The following COL11A1 variants were observed in gnomAD, a reference collection of about 807,000 sequenced individuals.
COL11A1 encodes collagen type XI alpha 1 chain.
Under a neutral mutation model 265.2 loss-of-function variants are expected in COL11A1, and 74 were observed. The ratio of observed to expected loss-of-function variants is 0.28; its 90% CI spans 0.23 to 0.34. COL11A1 has a LOEUF of 0.34. Ranked by LOEUF, COL11A1 falls within the 10% of genes least tolerant of loss-of-function variation. The pLI is 1.00. For synonymous variants in COL11A1, 816 were observed against 727.6 expected (o/e 1.12, Z -1.96); for missense variants, 2,165 against 2,263.6 (o/e 0.96, Z 0.88).
rs528918924 is a variant in COL11A1, at chr1:103,106,478, C to T, written c.106+1595G>A. 5.8e-4 allele frequency among the ~76,000 whole-genome samples: 88 copies of T among 152,200 alleles called. 2 individuals are homozygous for T. The highest frequency in any genetic ancestry group is 1.0e-3 in the Non-Finnish European group (71 of 68,020). The stretch of plus-strand genomic sequence containing the variant: ...CAGAGGCCTCATGTCCCACGGTAGA[C>T]GCAGGAATTCTAAATAATAAACAAA... On this transcript the variant is annotated intron_variant, in intron 1 of 66. Transcript: ENST00000370096.
chr1:102,881,833 A>G (rs1650281074), intron 64 of COL11A1, 68 bp from the exon 65 acceptor site: 1 of 1,115,512 alleles, frequency 9.0e-7, no homozygotes, highest in East Asian at 2.6e-5. Context: ...ATTTTTATAT[A>G]CATATAATTC....
chr1:102,879,692 A>T lies in COL11A1; in HGVS notation c.5265T>A (p.Asp1755Glu). The T allele has an allele frequency of 6.2e-7, 1 of 1,613,486 alleles. No individual in the cohort carries two copies. The highest frequency in any genetic ancestry group is 8.5e-7 in the Non-Finnish European group (1 of 1,179,594). The stretch of plus-strand genomic sequence containing the variant: ...CAGAACTTATACTCACCGCACAACC[A>T]TCATACAGTGTTTTGATAAAAGGAT... ...DNNPFIKTLY[D>E]GCASRKGYEK... Residue 1755 changes from aspartate (D) to glutamate (E), a missense_variant, in exon 66 of 67, where the codon GAT becomes GAA. Asp to Glu is a conservative substitution (Grantham distance 45). Coordinates refer to ENST00000370096, the MANE Select transcript of COL11A1 (RefSeq NM_001854.4).
At chr1:102,956,870 C>T (rs1660420855) in intron 41 of COL11A1, among the ~76,000 whole-genome samples, 2 of 149,708 alleles carry the variant, frequency 1.3e-5, no homozygotes, top group African/African-American at 2.5e-5. Context: ...TTTTGTAATT[C>T]AAACTGACTA....
At chr1:103,021,887 G>T in intron 8 of COL11A1, 118 bp from the exon 9 acceptor site, 1 of 787,346 alleles carries the variant, frequency 1.3e-6, no homozygotes, top group Non-Finnish European at 2.1e-6. Context: ...TCCCTCTGTT[G>T]CCCAGGTTAG....
At chr1:102,893,995 G>T (rs1652079652) in intron 57 of COL11A1, among the ~76,000 whole-genome samples, 1 of 152,054 alleles carries the variant, frequency 6.6e-6, no homozygotes, top group African/African-American at 2.4e-5. Context: ...ATCAAAAGCA[G>T]AAATGTGTGA....
intron 54 of COL11A1, among the ~76,000 whole-genome samples, chr1:102,908,956 A>G (rs1463116022): frequency 6.6e-6 from 1 of 152,176 alleles, no homozygotes; most frequent in Admixed American, 6.5e-5. Flanking sequence ...ATATCTAAAG[A>G]AAAATTTACC....
intron 4 of COL11A1, among the ~76,000 whole-genome samples, chr1:103,062,095 G>A (rs112889013): frequency 0.035 from 5,252 of 152,002 alleles, 326 homozygotes; most frequent in African/African-American, 0.12. Flanking sequence ...GATGAAATAA[G>A]TCAATTCCTT....
At chr1:102,935,020 T>A in intron 45 of COL11A1, 40 bp downstream of exon 45, 2 of 1,596,524 alleles carry the variant, frequency 1.3e-6, no homozygotes, top group Non-Finnish European at 1.7e-6. Flanking sequence ...ATCAGGGAGC[T>A]GTAAGGATTT....
At chr1:102,945,067 T>C (rs941802545) in intron 42 of COL11A1, among the ~76,000 whole-genome samples, 2 of 152,168 alleles carry the variant, frequency 1.3e-5, no homozygotes, top group African/African-American at 4.8e-5. Flanking sequence ...TTTTTTTTAT[T>C]TGCTACAGTT....
intron 42 of COL11A1, among the ~76,000 whole-genome samples, chr1:102,945,122 G>T (rs2622864): frequency 1.3e-5 from 2 of 152,060 alleles, no homozygotes; most frequent in South Asian, 2.1e-4. Flanking sequence ...TTAATTCCCA[G>T]TGCAACAGTG....
rs757107063 is a variant in COL11A1 at position 102,883,180 on chromosome 1, A to T, written c.4971+19T>A. 3.3e-6 allele frequency: 5 copies of T among 1,531,994 alleles called. No individual in the cohort carries two copies. The highest frequency in any genetic ancestry group is 1.7e-5 in the Admixed American group (1 of 59,864). 94.9% of individuals were successfully genotyped at this position (1,531,994 alleles called of 1,614,324 possible). A position where few individuals can be genotyped will look rare whatever the true frequency, so the allele number is the denominator to read the frequency against. On this transcript the variant is annotated intron_variant, in intron 64 of 66. Transcript: ENST00000370096. ...GCAGGAACTGTCAACATTCACCACC[A>T]AAACAGATTGGTACTTACTCCCTCA...
At chr1:102,934,858 C>A (rs1657977351) in intron 45 of COL11A1, among the ~76,000 whole-genome samples, 2 of 142,702 alleles carry the variant, frequency 1.4e-5, no homozygotes, top group African/African-American at 2.5e-5. Context: ...CAAATTATTA[C>A]TTACTTTCAA....
At chr1:103,021,300 TA>T (rs1377315137) in intron 9 of COL11A1, among the ~76,000 whole-genome samples, 1 of 152,000 alleles carries the variant, frequency 6.6e-6, no homozygotes, top group Admixed American at 6.6e-5. Flanking sequence ...ATATGTTATA[TA>T]TTTCAAATAA....
At chr1:102,949,057 T>TTAC (rs1659606140) in intron 41 of COL11A1, among the ~76,000 whole-genome samples, 2 of 148,162 alleles carry the variant, frequency 1.3e-5, no homozygotes, top group Admixed American at 6.8e-5. Flanking sequence ...GTCCCTTGAA[T>TTAC]TACTAAAAAG....
intron 42 of COL11A1, among the ~76,000 whole-genome samples, chr1:102,942,824 G>A (rs974564776): frequency 6.6e-6 from 1 of 151,912 alleles, no homozygotes; most frequent in Non-Finnish European, 1.5e-5. Context: ...TGATTATTCT[G>A]AACACTTCTC....
At chr1:102,904,307 G>A (rs1349309704) in intron 54 of COL11A1, among the ~76,000 whole-genome samples, 1 of 152,136 alleles carries the variant, frequency 6.6e-6, no homozygotes, top group Non-Finnish European at 1.5e-5. Context: ...TCAGGACATA[G>A]GCATGGGCAA....
At chr1:103,050,653 T>C (rs538717745) in intron 4 of COL11A1, among the ~76,000 whole-genome samples, 46 of 152,366 alleles carry the variant, frequency 3.0e-4, no homozygotes, top group African/African-American at 1.1e-3. Flanking sequence ...AGGAGCTGTG[T>C]TCCTTTGGAG....
At chr1:103,029,489 G>T (rs1420878190) in intron 5 of COL11A1, among the ~76,000 whole-genome samples, 1 of 151,898 alleles carries the variant, frequency 6.6e-6, no homozygotes, top group Non-Finnish European at 1.5e-5. Context: ...TGGTATAGAT[G>T]CTTATCTTAT....
intron 7 of COL11A1, among the ~76,000 whole-genome samples, chr1:103,024,810 AC>A (rs1557962141): frequency 6.6e-6 from 1 of 152,210 alleles, no homozygotes; most frequent in Non-Finnish European, 1.5e-5. Context: ...AAACTAAATT[AC>A]ATTTCTTATA....
Sources: allele counts gnomAD v4.1 joint callset (sites outside exome capture counted in the v4.1 genomes callset), GRCh38; gene constraint gnomAD v4.1.1; transcripts MANE v1.5; gene names NCBI Gene and HGNC (gene_info 2026-07-23, HGNC 2026-07-21).